CYP4B1: variants seen among roughly 807,000 people sequenced by gnomAD.
CYP4B1 encodes cytochrome P450 family 4 subfamily B member 1, also known as cytochrome P450 4B1.
In CYP4B1, 45 loss-of-function variants were observed where a neutral mutation model predicts 54.0. That is an observed-to-expected ratio of 0.83 (90% confidence interval 0.66 to 1.07). CYP4B1 has a LOEUF of 1.07. Ranked by LOEUF, CYP4B1 falls within the 50% of genes least tolerant of loss-of-function variation. The pLI is 0.00. For synonymous variants in CYP4B1, 248 were observed against 247.5 expected (o/e 1.00, Z -0.02); for missense variants, 656 against 655.4 (o/e 1.00, Z -0.01).
intron 4 of CYP4B1, among the ~76,000 whole-genome samples, chr1:46,812,877 C>T (rs1679169321): frequency 6.6e-6 from 1 of 152,208 alleles, no homozygotes. Context: ...AGACCCAGCC[C>T]TCTTTCCTCC....
At chr1:46,815,508 A>T in intron 8 of CYP4B1, 1 of 374,254 alleles carries the variant, frequency 2.7e-6, no homozygotes, top group Non-Finnish European at 4.8e-6. Flanking sequence ...TGTCAACAAG[A>T]GGCTGATATT....
At chr1:46,808,332 T>C (rs569692982) in intron 1 of CYP4B1, among the ~76,000 whole-genome samples, 3 of 151,718 alleles carry the variant, frequency 2.0e-5, no homozygotes, top group Non-Finnish European at 4.4e-5. Context: ...TTAATGATTG[T>C]CATTCTAACT....
In CYP4B1 at chr1:46,799,280, G is replaced by A. The variant is rs1469139830; in HGVS notation, c.180+19G>A. On this transcript the variant is annotated intron_variant, in intron 1 of 11. Coordinates refer to ENST00000371923, the MANE Select transcript of CYP4B1 (RefSeq NM_001099772.2). ...CCTCGAGGTATGTGGAGGTCGGGAG[G>A]GTGGGGGAGAAAGAAAACATCCTCC... 6.4e-7 allele frequency: 1 copy of A among 1,563,576 alleles called. No individual in the cohort carries two copies. Among genetic ancestry groups the A allele is most frequent in the Admixed American group, 1.9e-5 (1 of 52,058 alleles).
intron 7 of CYP4B1, chr1:46,814,771 T>G: frequency 2.3e-6 from 1 of 425,988 alleles, no homozygotes; most frequent in Non-Finnish European, 4.2e-6. Flanking sequence ...AGTAGGTAGA[T>G]GTTGACCAAA....
rs1270511411 is a variant in CYP4B1 at position 46,812,621 on chromosome 1, C to T, written c.493C>T (p.Leu165=). 3 of 1,613,320 alleles carry T rather than the reference C, an allele frequency of 1.9e-6. No homozygotes were observed. Among genetic ancestry groups the T allele is most frequent in the Middle Eastern group, 1.7e-4 (1 of 6,050 alleles). Reference sequence around the variant, plus strand: ...GTTCACTGAGTCTACACGTATCATGCTGGTGAGCTCCCTGTGCCAGAGTAC... The same window carrying T: ...GTTCACTGAGTCTACACGTATCATGTTGGTGAGCTCCCTGTGCCAGAGTAC... The part of the protein sequence containing the change: ...AVFTESTRIM[L]DKWEEKAREG... The change falls in exon 4 of 12, where the codon CTG becomes TTG. Residue 165 remains leucine, a splice_region_variant and synonymous_variant. Coordinates refer to ENST00000371923, the MANE Select transcript of CYP4B1 (RefSeq NM_001099772.2).
At chr1:46,806,382 G>T (rs1159946773) in intron 1 of CYP4B1, among the ~76,000 whole-genome samples, 2 of 152,230 alleles carry the variant, frequency 1.3e-5, no homozygotes, top group East Asian at 1.9e-4. Context: ...GCAGCACACT[G>T]GTCAAGGGTA....
In CYP4B1 at chr1:46,815,326, T is replaced by C. The variant is rs935974628; in HGVS notation, c.1073+62T>C. ...CCCTTGGGAAGGGCGATGCCCATCC[T>C]GTCCTGAACCATCCTGGAAATCAGG... On this transcript the variant is annotated intron_variant, in intron 8 of 11. Coordinates refer to ENST00000371923, the MANE Select transcript of CYP4B1 (RefSeq NM_001099772.2). 8.5e-6 allele frequency: 12 copies of C among 1,411,042 alleles called. No homozygotes were observed. In the Middle Eastern group the frequency reaches 9.7e-4, roughly 114 times the overall value. 87.4% of individuals were successfully genotyped at this position (1,411,042 alleles called of 1,614,324 possible).
intron 1 of CYP4B1, among the ~76,000 whole-genome samples, chr1:46,803,188 T>C (rs781592328): frequency 3.9e-5 from 6 of 152,106 alleles, no homozygotes; most frequent in African/African-American, 1.2e-4. Context: ...AGACTTATGT[T>C]TTAGAAAGAT....
chr1:46,805,892 T>G (rs1318148158), intron 1 of CYP4B1, among the ~76,000 whole-genome samples: 1 of 152,152 alleles, frequency 6.6e-6, no homozygotes, highest in Non-Finnish European at 1.5e-5. Flanking sequence ...CAGCTGAGAC[T>G]AGGGCACCAA....
chr1:46,817,680 G>A (rs1569920059), intron 9 of CYP4B1, among the ~76,000 whole-genome samples: 1 of 152,190 alleles, frequency 6.6e-6, no homozygotes, highest in East Asian at 1.9e-4. Flanking sequence ...AGGTTTAATA[G>A]TTCCTTCCTG....
At chr1:46,814,692 G>T (rs577786065) in intron 7 of CYP4B1, 24 of 333,036 alleles carry the variant, frequency 7.2e-5, no homozygotes, top group Non-Finnish European at 1.1e-4. Context: ...GGTCATTTCC[G>T]TGCTAGGATG....
At position 46,812,528 on chromosome 1, in the gene CYP4B1, T is replaced by G; in HGVS notation, c.400T>G (p.Trp134Gly). ...RGLLVLEGPKWLQHRKLLTPG... is the reference protein window; with the variant it reads ...RGLLVLEGPKGLQHRKLLTPG... ...CCTGCTGGTTCTTGAGGGGCCCAAG[T>G]GGTTGCAGCACCGCAAGCTGCTCAC... The change falls in exon 4 of 12, where the codon TGG (tryptophan) becomes GGG (glycine). Residue 134 changes from tryptophan (W) to glycine (G), a missense_variant. Transcript: ENST00000371923. 1 of 1,614,006 alleles carries G rather than the reference T, an allele frequency of 6.2e-7. No individual in the cohort carries two copies. The highest frequency in any genetic ancestry group is 8.5e-7 in the Non-Finnish European group (1 of 1,179,968).
rs758555438 is a variant in CYP4B1 at position 46,814,021 on chromosome 1, C to T, written c.733C>T (p.Arg245Cys). The change falls in exon 6 of 12, where the codon CGC (arginine) becomes TGC (cysteine). Residue 245 changes from arginine (R) to cysteine (C), a missense_variant. Arg to Cys is a radical substitution (Grantham distance 180). Coordinates refer to ENST00000371923, the MANE Select transcript of CYP4B1 (RefSeq NM_001099772.2). ...DFIYWLTPHG[R>C]RFLRACQVAH... ...CATCTACTGGCTCACCCCACATGGC[C>T]GCCGCTTCCTGCGGGCCTGCCAGGT... is the stretch of plus-strand genomic sequence containing the variant. 1.0e-4 allele frequency: 167 copies of T among 1,614,126 alleles called. 2 individuals are homozygous for T. The South Asian group carries it at 1.4e-3, about 13-fold the overall frequency.
chr1:46,807,752 G>A (rs1030931213), intron 1 of CYP4B1, among the ~76,000 whole-genome samples: 3 of 152,236 alleles, frequency 2.0e-5, no homozygotes, highest in African/African-American at 4.8e-5. Flanking sequence ...ACTCCACAGA[G>A]GGCCTAGGAG....
At chr1:46,802,190 GGTGT>G (rs149282133) in intron 1 of CYP4B1, among the ~76,000 whole-genome samples, 1 of 151,176 alleles carries the variant, frequency 6.6e-6, no homozygotes, top group Admixed American at 6.6e-5. Context: ...GGTGTGTGTG[GGTGT>G]GTGTGTGTGT....
intron 9 of CYP4B1, 69 bp from the exon 10 acceptor site, chr1:46,817,896 C>A (rs1404699092): frequency 7.0e-7 from 1 of 1,427,484 alleles, no homozygotes; most frequent in African/African-American, 1.4e-5. Flanking sequence ...CTAGGGGACT[C>A]TGACCTTATG....
intron 6 of CYP4B1, 49 bp from the exon 7 acceptor site, chr1:46,814,160 G>C: frequency 6.2e-7 from 1 of 1,611,616 alleles, no homozygotes; most frequent in Non-Finnish European, 8.5e-7. Flanking sequence ...GTTCCCCTTT[G>C]GACAAAAGAT....
intron 4 of CYP4B1, 123 bp from the exon 5 acceptor site, chr1:46,813,355 TGGGA>T: frequency 1.8e-6 from 2 of 1,120,552 alleles, no homozygotes; most frequent in Non-Finnish European, 2.6e-6. Context: ...GGACAGGGAC[TGGGA>T]GTGTGTGAAG....
intron 1 of CYP4B1, among the ~76,000 whole-genome samples, chr1:46,800,209 TTC>T (rs778060619): frequency 2.4e-5 from 2 of 83,556 alleles, no homozygotes; most frequent in African/African-American, 4.7e-5. Flanking sequence ...CTTTCTTTCT[TTC>T]TTTCTCTTTC....
Sources: allele counts gnomAD v4.1 joint callset (sites outside exome capture counted in the v4.1 genomes callset), GRCh38; gene constraint gnomAD v4.1.1; transcripts MANE v1.5; gene names NCBI Gene and HGNC (gene_info 2026-07-23, HGNC 2026-07-21).